The following PTDSS1 variants were observed in gnomAD, a reference collection of about 807,000 sequenced individuals.
The protein encoded by PTDSS1 is PSS-1.
A neutral mutation model predicts 70.5 loss-of-function variants in PTDSS1; 45 were observed. That is an observed-to-expected ratio of 0.64 (90% CI 0.50 to 0.82). The LOEUF is 0.82. Among genes scored for constraint, PTDSS1 ranks in the 40% least tolerant of loss-of-function variants. The pLI is 0.00. For missense variants in PTDSS1, 417 were observed against 586.1 expected (o/e 0.71, Z 2.98); for synonymous variants, 188 against 203.8 (o/e 0.92, Z 0.66).
intron 6 of PTDSS1, 68 bp from the exon 7 acceptor site, chr8:96,303,972 T>G (rs1272056620): frequency 6.7e-7 from 1 of 1,490,240 alleles, no homozygotes; most frequent in African/African-American, 1.4e-5. Flanking sequence ...CACAGGATTT[T>G]TTTCTTGTGC....
chr8:96,282,723 G>A (rs755137317), intron 2 of PTDSS1, among the ~76,000 whole-genome samples: 1 of 152,210 alleles, frequency 6.6e-6, no homozygotes, highest in Non-Finnish European at 1.5e-5. Context: ...ATATATAGAT[G>A]ATTTTAGAAT....
intron 3 of PTDSS1, among the ~76,000 whole-genome samples, chr8:96,286,624 C>T (rs1810825491): frequency 1.3e-5 from 2 of 152,164 alleles, no homozygotes; most frequent in South Asian, 2.1e-4. Context: ...ACTTCAGGGC[C>T]GCCTTGCTCC....
intron 10 of PTDSS1, among the ~76,000 whole-genome samples, chr8:96,328,682 T>C (rs953010895): frequency 6.6e-6 from 1 of 152,162 alleles, no homozygotes; most frequent in Admixed American, 6.5e-5. Context: ...TCTCCTTTCT[T>C]TTTTGGAACT....
chr8:96,291,434 T>C (rs1810901326), intron 4 of PTDSS1, among the ~76,000 whole-genome samples: 1 of 150,362 alleles, frequency 6.7e-6, no homozygotes, highest in Admixed American at 6.6e-5. Flanking sequence ...GAATTAAACC[T>C]AAAATAGATG....
intron 9 of PTDSS1, among the ~76,000 whole-genome samples, chr8:96,313,399 G>A (rs1258658929): frequency 6.6e-6 from 1 of 152,182 alleles, no homozygotes; most frequent in African/African-American, 2.4e-5. Flanking sequence ...CAGCTCGGTG[G>A]GAGTTTTGGG....
rs1811509802 is a variant in PTDSS1, at chr8:96,331,089, A to G, written c.1306A>G (p.Thr436Ala). 1.3e-6 allele frequency: 2 copies of G among 1,595,660 alleles called. No homozygotes were observed. Among genetic ancestry groups the G allele is most frequent in the East Asian group, 4.5e-5 (2 of 44,838 alleles). The change falls in exon 12 of 13, where the codon ACA becomes GCA. Residue 436 changes from threonine (T) to alanine (A), a missense_variant. Around this residue, in one of 3 missense-constraint regions of PTDSS1, gnomAD observed 107 missense variants for 122.3 expected, o/e 0.88. Transcript: ENST00000517309. ...GATCTCCTGGCATCACAGGAAAGGGACAAAAGGTATCTTGTTCTTGTTCGT... is the reference window on the plus strand; with the variant it reads ...GATCTCCTGGCATCACAGGAAAGGGGCAAAAGGTATCTTGTTCTTGTTCGT... ...PEISWHHRKG[T>A]KGSEDSPPKH...
intron 10 of PTDSS1, among the ~76,000 whole-genome samples, chr8:96,325,798 ATAAG>A (rs1451996560): frequency 2.0e-5 from 3 of 152,238 alleles, no homozygotes; most frequent in East Asian, 1.9e-4. Context: ...GAGTTAAAAA[ATAAG>A]TAAGAGATAA....
intron 7 of PTDSS1, 81 bp from the exon 8 acceptor site, chr8:96,306,362 AT>A: frequency 1.0e-6 from 1 of 992,484 alleles, no homozygotes; most frequent in Non-Finnish European, 1.6e-6. Context: ...ATTATTTCTA[AT>A]TGTAGAATGT....
intron 1 of PTDSS1, among the ~76,000 whole-genome samples, chr8:96,265,992 A>C (rs1428636040): frequency 2.6e-5 from 4 of 152,256 alleles, no homozygotes; most frequent in Non-Finnish European, 5.9e-5. Context: ...TTTGTTAGCA[A>C]AGTAGGGCAA....
chr8:96,268,108 A>G (rs1446806852), intron 1 of PTDSS1, among the ~76,000 whole-genome samples: 1 of 152,236 alleles, frequency 6.6e-6, no homozygotes, highest in African/African-American at 2.4e-5. Context: ...CATCCAGTAA[A>G]TGCTGAATGA....
chr8:96,296,465 A>G (rs1241629175), intron 5 of PTDSS1, among the ~76,000 whole-genome samples: 2 of 152,162 alleles, frequency 1.3e-5, no homozygotes, highest in Non-Finnish European at 2.9e-5. Context: ...TAAGGACACA[A>G]GAGCATTCCC....
At chr8:96,269,635 C>T (rs946458157) in intron 1 of PTDSS1, among the ~76,000 whole-genome samples, 42 of 152,240 alleles carry the variant, frequency 2.8e-4, no homozygotes, top group African/African-American at 9.2e-4. Context: ...CTCACAAAGC[C>T]GTAGGAGACA....
intron 10 of PTDSS1, among the ~76,000 whole-genome samples, chr8:96,326,380 C>G (rs1586210903): frequency 2.0e-5 from 3 of 152,154 alleles, no homozygotes; most frequent in Admixed American, 2.0e-4. Flanking sequence ...TTTTTTCTAT[C>G]TGTCTCCTCC....
At chr8:96,272,911 C>G (rs111315372) in intron 1 of PTDSS1, among the ~76,000 whole-genome samples, 59 of 152,280 alleles carry the variant, frequency 3.9e-4, no homozygotes, top group African/African-American at 1.4e-3. Flanking sequence ...GCCTCCCTAC[C>G]TAAGCCAGAA....
intron 4 of PTDSS1, among the ~76,000 whole-genome samples, chr8:96,294,405 A>G (rs1810946865): frequency 6.6e-6 from 1 of 152,234 alleles, no homozygotes; most frequent in Non-Finnish European, 1.5e-5. Context: ...TCATGCAGTC[A>G]TATGATAAGA....
At chr8:96,318,902 C>CT (rs71267241) in intron 9 of PTDSS1, among the ~76,000 whole-genome samples, 1,009 of 46,188 alleles carry the variant, frequency 0.022, 316 homozygotes, top group Middle Eastern at 0.029. Flanking sequence ...CCCTTCTTGC[C>CT]TTTTTTTTTT....
At chr8:96,272,563 A>C (rs1810581838) in intron 1 of PTDSS1, among the ~76,000 whole-genome samples, 1 of 152,178 alleles carries the variant, frequency 6.6e-6, no homozygotes, top group East Asian at 1.9e-4. Flanking sequence ...CATTGTCTTC[A>C]GTGTCTAGCA....
At chr8:96,298,356 T>C (rs1456083302) in intron 5 of PTDSS1, among the ~76,000 whole-genome samples, 2 of 152,254 alleles carry the variant, frequency 1.3e-5, no homozygotes, top group African/African-American at 4.8e-5. Context: ...CTTCAAAGGT[T>C]TGTAATTACA....
chr8:96,309,387 C>A, intron 8 of PTDSS1, 170 bp from the exon 9 acceptor site: 1 of 519,518 alleles, frequency 1.9e-6, no homozygotes, highest in Admixed American at 3.1e-5. Flanking sequence ...GAATCTCTTA[C>A]AGGAATGTTT....
Sources: allele counts gnomAD v4.1 joint callset (sites outside exome capture counted in the v4.1 genomes callset), GRCh38; gene constraint gnomAD v4.1.1; regional missense constraint gnomAD v4.1.1; transcripts MANE v1.5; gene names NCBI Gene and HGNC (gene_info 2026-07-23, HGNC 2026-07-21).